The following MEGF6 variants were observed in gnomAD, a reference collection of about 807,000 sequenced individuals.
The protein encoded by MEGF6 is multiple EGF like domains 6.
Under a neutral mutation model 207.1 loss-of-function variants are expected in MEGF6, and 184 were observed. The observed-to-expected ratio is 0.89, with a 90% CI of 0.79 to 1.00. The LOEUF is 1.00. MEGF6 is among the 50% of genes least tolerant of loss of function. The pLI, the probability that MEGF6 is intolerant of heterozygous loss-of-function variation, is 0.00. For synonymous variants in MEGF6, 1,038 were observed against 910.0 expected, an observed-to-expected ratio of 1.14 and a Z score of -2.53; for missense variants, 2,282 against 2,202.9, an observed-to-expected ratio of 1.04 and a Z score of -0.72.
In MEGF6 at chr1:3,490,405, GC is replaced by G. The variant is rs746110885; in HGVS notation, c.*122del. 6.0e-5 allele frequency: 66 copies of G among 1,097,418 alleles called. No individual in the cohort carries two copies. Among genetic ancestry groups the G allele is most frequent in the Admixed American group, 1.3e-4 (5 of 39,600 alleles). 68.0% of individuals were successfully genotyped at this position (1,097,418 alleles called of 1,614,324 possible). ...GCTGGGCTGTCCACAGCCCTCCACGGCCCTCAAAGGAAGGGCAGTACCAGGA... is the reference window on the plus strand; with the variant it reads ...GCTGGGCTGTCCACAGCCCTCCACGGCCTCAAAGGAAGGGCAGTACCAGGA... On this transcript the variant is annotated 3_prime_UTR_variant, in exon 37 of 37. Transcript: ENST00000356575.
At chr1:3,620,757 C>T in the MEGF6 span, among the ~76,000 whole-genome samples, 3 of 152,324 alleles carry the variant, frequency 2.0e-5, no homozygotes, top group East Asian at 5.8e-4. Flanking sequence ...GACAGCTGGG[C>T]CCTGGGGGAC....
chr1:3,522,357 G>A (rs1008647443), intron 5 of MEGF6, among the ~76,000 whole-genome samples: 2 of 152,150 alleles, frequency 1.3e-5, no homozygotes, highest in South Asian at 2.1e-4. Context: ...TCACACAGGC[G>A]ACACCCTGAG....
rs1292283552 is a variant in MEGF6 at position 3,500,633 on chromosome 1, G to A, written c.2707C>T (p.Gln903Ter). The A allele has an allele frequency of 1.1e-5, 17 of 1,554,722 alleles. No homozygotes were observed. The highest frequency in any genetic ancestry group is 5.5e-5 in the African/African-American group (4 of 73,294). ...AGYVGPRCEQQCPQGHFGPGC... is the reference protein window; with the variant it reads ...AGYVGPRCEQ ...AGCCAAAGGCAGGGCCGGGACTCACGCTGCTCGCACCGCGGGCCCACGTAG... is the reference window on the plus strand; with the variant it reads ...AGCCAAAGGCAGGGCCGGGACTCACACTGCTCGCACCGCGGGCCCACGTAG... The change falls in exon 21 of 37, where the codon CAG becomes TAG. Residue 903 changes from glutamine to a stop codon, truncating the protein, a stop_gained and splice_region_variant. Coordinates refer to ENST00000356575, the MANE Select transcript of MEGF6 (RefSeq NM_001409.4). LOFTEE classifies it high-confidence loss of function.
upstream of MEGF6, among the ~76,000 whole-genome samples, chr1:3,611,666 G>T (rs1368793887): frequency 8.1e-6 from 1 of 123,532 alleles, no homozygotes; most frequent in East Asian, 2.8e-4. Flanking sequence ...CCCCCGGCAC[G>T]GCCCCTGTAC....
upstream of MEGF6, among the ~76,000 whole-genome samples, chr1:3,611,746 T>G: frequency 9.0e-6 from 1 of 111,530 alleles, no homozygotes. Flanking sequence ...CCCTCTCCGG[T>G]CCCGGCCCCG....
chr1:3,534,465 G>A (rs1334392756), intron 4 of MEGF6, among the ~76,000 whole-genome samples: 1 of 152,186 alleles, frequency 6.6e-6, no homozygotes, highest in Non-Finnish European at 1.5e-5. Context: ...TAAGAACTGA[G>A]GCCCCAGGCG....
intron 29 of MEGF6, 101 bp downstream of exon 29, chr1:3,496,554 C>T: frequency 6.6e-7 from 1 of 1,507,306 alleles, no homozygotes; most frequent in Non-Finnish European, 9.0e-7. Context: ...GGCTGAAGGG[C>T]AGGGAGGTGG....
chr1:3,592,900 C>T (rs1644002679), intron 3 of MEGF6, among the ~76,000 whole-genome samples: 1 of 152,234 alleles, frequency 6.6e-6, no homozygotes, highest in Non-Finnish European at 1.5e-5. Flanking sequence ...TGTGTGGAGA[C>T]CCCACCGACG....
intron 10 of MEGF6, 33 bp downstream of exon 10, chr1:3,510,750 A>T: frequency 6.3e-7 from 1 of 1,576,358 alleles, no homozygotes; most frequent in Non-Finnish European, 8.7e-7. Context: ...CTCCCAGGCC[A>T]CCCCAGCTGT....
At chr1:3,563,377 C>T (rs114367859) in intron 4 of MEGF6, among the ~76,000 whole-genome samples, 1,552 of 152,246 alleles carry the variant, frequency 0.01, 31 homozygotes, top group African/African-American at 0.035. Flanking sequence ...CCGCCCAGAC[C>T]ACCTGCCCTG....
At chr1:3,580,030 C>G (rs559914557) in intron 3 of MEGF6, 101 bp from the exon 4 acceptor site, 1 of 768,264 alleles carries the variant, frequency 1.3e-6, no homozygotes, top group Admixed American at 3.7e-5. Flanking sequence ...ACCCAGCCTG[C>G]CAGGTCCCCA....
At chr1:3,493,737 C>A in intron 34 of MEGF6, 34 bp downstream of exon 34, 1 of 1,603,774 alleles carries the variant, frequency 6.2e-7, no homozygotes, top group Non-Finnish European at 8.5e-7. Context: ...GAGACCCACA[C>A]CCACGCCCTT....
rs1363398421 is a variant in MEGF6, at chr1:3,494,031, C to T, written c.4223G>A (p.Cys1408Tyr). The change falls in exon 33 of 37, where the codon TGC (cysteine) becomes TAC (tyrosine). Residue 1408 changes from cysteine (C) to tyrosine (Y), a missense_variant. Physicochemically the swap from Cys to Tyr is radical, Grantham distance 194. Coordinates refer to ENST00000356575, the MANE Select transcript of MEGF6 (RefSeq NM_001409.4). ...GAAGTGGCCGTGGAAGCCGGCAGGGCAGAGGCATCGGCCACTGATGGGGTC... is the reference window on the plus strand; with the variant it reads ...GAAGTGGCCGTGGAAGCCGGCAGGGTAGAGGCATCGGCCACTGATGGGGTC... ...PCDPISGRCL[C>Y]PAGFHGHFCE... 6.2e-7 allele frequency: 1 copy of T among 1,609,390 alleles called. No individual in the cohort carries two copies. Among genetic ancestry groups the T allele is most frequent in the East Asian group, 2.2e-5 (1 of 44,728 alleles).
At chr1:3,490,870 C>T in intron 36 of MEGF6, 42 bp downstream of exon 36, 1 of 1,557,708 alleles carries the variant, frequency 6.4e-7, no homozygotes, top group Non-Finnish European at 8.7e-7. Flanking sequence ...TGCCATAACC[C>T]ACCCTCCTGG....
intron 22 of MEGF6, 34 bp downstream of exon 22, chr1:3,499,762 A>C: frequency 6.3e-7 from 1 of 1,582,946 alleles, no homozygotes; most frequent in Non-Finnish European, 8.6e-7. Flanking sequence ...ACTGGAGGCC[A>C]CCCAGCCTAG....
At chr1:3,564,502 G>A (rs953016248) in intron 4 of MEGF6, among the ~76,000 whole-genome samples, 1 of 151,998 alleles carries the variant, frequency 6.6e-6, no homozygotes, top group African/African-American at 2.4e-5. Context: ...CACATCTACT[G>A]GAGCCCAAGC....
At chr1:3,549,560 G>C (rs554869704) in intron 4 of MEGF6, among the ~76,000 whole-genome samples, 1 of 152,188 alleles carries the variant, frequency 6.6e-6, no homozygotes, top group South Asian at 2.1e-4. Flanking sequence ...GCTGGCTGGC[G>C]GCAGGCACCC....
At chr1:3,495,118 G>A (rs1198615804) in intron 30 of MEGF6, among the ~76,000 whole-genome samples, 1 of 152,234 alleles carries the variant, frequency 6.6e-6, no homozygotes, top group Non-Finnish European at 1.5e-5. Context: ...GAAGTAGCGT[G>A]GCTGGGCTGC....
At chr1:3,518,017 A>G (rs1343722851) in intron 5 of MEGF6, among the ~76,000 whole-genome samples, 4 of 152,092 alleles carry the variant, frequency 2.6e-5, no homozygotes, top group Non-Finnish European at 4.4e-5. Context: ...CTGACTCTGG[A>G]GTCTTGTTCT....
Sources: gnomAD v4.1 joint callset for allele counts (sites outside exome capture counted in the v4.1 genomes callset) on GRCh38, gnomAD v4.1.1 for gene constraint, MANE v1.5 for transcripts, NCBI Gene and HGNC (gene_info 2026-07-23, HGNC 2026-07-21) for gene names.